The following ADAM20 variants were observed in gnomAD, a reference collection of about 807,000 sequenced individuals.
ADAM20 encodes disintegrin and metalloproteinase domain-containing protein 20.
For synonymous variants in ADAM20, 305 were observed against 310.2 expected (o/e 0.98, Z 0.18); for missense variants, 871 against 883.2 (o/e 0.99, Z 0.18).
the ADAM20 span, among the ~76,000 whole-genome samples, chr14:70,555,774 G>C: frequency 5.9e-5 from 9 of 152,038 alleles, no homozygotes; most frequent in Non-Finnish European, 1.0e-4. Context: ...TTTTTCTGCT[G>C]TCTCTACTCG....
chr14:70,541,294 A>T, the ADAM20 span, among the ~76,000 whole-genome samples: 1 of 152,202 alleles, frequency 6.6e-6, no homozygotes, highest in Non-Finnish European at 1.5e-5. Context: ...TGCCACTAAT[A>T]AGCTTAGCTG....
chr14:70,531,197 A>C (rs1200166032), intron 1 of ADAM20, among the ~76,000 whole-genome samples: 1 of 152,198 alleles, frequency 6.6e-6, no homozygotes, highest in Non-Finnish European at 1.5e-5. Context: ...ATACAAGGAT[A>C]GTTTAACATT....
the ADAM20 span, among the ~76,000 whole-genome samples, chr14:70,543,786 C>T: frequency 2.0e-5 from 3 of 152,184 alleles, no homozygotes; most frequent in Non-Finnish European, 4.4e-5. Context: ...AACTCTCCAA[C>T]CCCTTGTCCA....
At chr14:70,540,813 A>G in the ADAM20 span, among the ~76,000 whole-genome samples, 1 of 152,050 alleles carries the variant, frequency 6.6e-6, no homozygotes, top group African/African-American at 2.4e-5. Flanking sequence ...TTTTTCTTTG[A>G]GACAGAGTCT....
intron 1 of ADAM20, among the ~76,000 whole-genome samples, chr14:70,525,244 T>C (rs1199274240): frequency 1.3e-5 from 2 of 152,182 alleles, no homozygotes. Flanking sequence ...GATGGGGTAC[T>C]GCTCTGTTGC....
chr14:70,573,145 A>G, the ADAM20 span, among the ~76,000 whole-genome samples: 1 of 152,180 alleles, frequency 6.6e-6, no homozygotes, highest in Non-Finnish European at 1.5e-5. Flanking sequence ...TATGTTTATC[A>G]CTGCACTATT....
At chr14:70,547,583 G>C in the ADAM20 span, 1 of 71,760 alleles carries the variant, frequency 1.4e-5, no homozygotes, top group Non-Finnish European at 2.8e-5. Context: ...CCCGAATATT[G>C]CGCTTTTCAG....
At chr14:70,556,719 A>G in the ADAM20 span, 2 of 152,390 alleles carry the variant, frequency 1.3e-5, no homozygotes, top group African/African-American at 4.8e-5. Context: ...CAGATGCAGA[A>G]AATACAGTAT....
Position 70,522,524 on chromosome 14 carries a change from T to C in ADAM20, c.*53A>G. The C allele has an allele frequency of 7.0e-7, 1 of 1,435,108 alleles. No individual in the cohort carries two copies. Among genetic ancestry groups the C allele is most frequent in the Non-Finnish European group, 9.2e-7 (1 of 1,084,096 alleles). 88.9% of individuals were successfully genotyped at this position (1,435,108 alleles called of 1,614,324 possible). On this transcript the variant is annotated 3_prime_UTR_variant, in exon 2 of 2. Coordinates refer to ENST00000256389, the MANE Select transcript of ADAM20 (RefSeq NM_003814.5). ...GCTTCATATTTTTCTATTAAAAAAT[T>C]GGATATTAAAAATGAAGTATAAAGT...
At position 70,524,736 on chromosome 14, in the gene ADAM20, C is replaced by G. The variant is rs1398256889; in HGVS notation, c.22G>C (p.Val8Leu). The G allele has an allele frequency of 6.2e-7, 1 of 1,613,798 alleles. No homozygotes were observed. The highest frequency in any genetic ancestry group is 1.7e-5 in the Admixed American group (1 of 59,954). ...AGCAGAAGAGTGACCCTGATGTGCA[C>G]CAGGGGCTCACCCACTGCCATTATG... is the stretch of plus-strand genomic sequence containing the variant. MAVGEPLVHIRVTLLLLW... is the reference protein window; with the variant it reads MAVGEPLLHIRVTLLLLW... The change falls in exon 2 of 2, where the codon GTG (valine) becomes CTG (leucine). Residue 8 changes from valine to leucine, a missense_variant. Val to Leu is a conservative substitution (Grantham distance 32). Transcript: ENST00000256389.
At chr14:70,544,066 C>T in the ADAM20 span, among the ~76,000 whole-genome samples, 8 of 152,066 alleles carry the variant, frequency 5.3e-5, no homozygotes, top group Admixed American at 4.6e-4. Flanking sequence ...GATAACCTCC[C>T]CTCCAGCTGG....
chr14:70,557,817 G>T, the ADAM20 span, among the ~76,000 whole-genome samples: 48 of 151,968 alleles, frequency 3.2e-4, no homozygotes, highest in Non-Finnish European at 3.7e-4. Flanking sequence ...TGTGGCCCAA[G>T]ATAATTTTTC....
At chr14:70,579,151 G>A in the ADAM20 span, among the ~76,000 whole-genome samples, 9 of 152,056 alleles carry the variant, frequency 5.9e-5, no homozygotes, top group Non-Finnish European at 8.8e-5. Context: ...AAACATACAA[G>A]TGCAGGTGTC....
chr14:70,570,027 T>C, the ADAM20 span, among the ~76,000 whole-genome samples: 1 of 150,612 alleles, frequency 6.6e-6, no homozygotes, highest in Non-Finnish European at 1.5e-5. Flanking sequence ...CATGCAACAT[T>C]CTCTAAATTT....
chr14:70,532,869 T>C (rs1883743203), intron 1 of ADAM20, among the ~76,000 whole-genome samples: 2 of 152,168 alleles, frequency 1.3e-5, no homozygotes, highest in African/African-American at 2.4e-5. Context: ...ATGACCTGAA[T>C]AGGCATTTAT....
chr14:70,557,883 G>T, the ADAM20 span, among the ~76,000 whole-genome samples: 1 of 152,206 alleles, frequency 6.6e-6, no homozygotes, highest in African/African-American at 2.4e-5. Context: ...AAGAAGATAT[G>T]ATCAAAGGCA....
chr14:70,558,623 A>G, the ADAM20 span, among the ~76,000 whole-genome samples: 2 of 152,126 alleles, frequency 1.3e-5, no homozygotes, highest in East Asian at 3.8e-4. Context: ...ATGCTATAAC[A>G]TGGGTGTGCA....
chr14:70,557,890 G>A, the ADAM20 span, among the ~76,000 whole-genome samples: 7 of 152,112 alleles, frequency 4.6e-5, no homozygotes, highest in African/African-American at 1.7e-4. Flanking sequence ...TATGATCAAA[G>A]GCAGATTTTC....
intron 1 of ADAM20, among the ~76,000 whole-genome samples, 167 bp from the exon 2 acceptor site, chr14:70,525,100 G>C (rs554115962): frequency 2.0e-5 from 3 of 152,154 alleles, no homozygotes; most frequent in Non-Finnish European, 4.4e-5. Flanking sequence ...TTGCACATAG[G>C]TGAGTTATTA....
Sources: allele counts gnomAD v4.1 joint callset (sites outside exome capture counted in the v4.1 genomes callset), GRCh38; gene constraint gnomAD v4.1.1; transcripts MANE v1.5; gene names NCBI Gene and HGNC (gene_info 2026-07-23, HGNC 2026-07-21).